Variants in CNGA1 observed in about 807,000 individuals in gnomAD.
CNGA1 encodes the protein cyclic nucleotide gated channel subunit alpha 1, also known as cyclic nucleotide-gated channel alpha-1.
Under a neutral mutation model 69.7 loss-of-function variants are expected in CNGA1, and 53 were observed. The ratio of observed to expected loss-of-function variants is 0.76; its 90% CI spans 0.61 to 0.96. The LOEUF (loss-of-function observed/expected upper bound fraction) is 0.96, where lower values mean the gene tolerates loss of function less well. CNGA1 is among the 40% of genes least tolerant of loss of function. The pLI, the probability that CNGA1 is intolerant of heterozygous loss-of-function variation, is 0.00. For missense variants in CNGA1, 739 were observed against 811.2 expected (o/e 0.91, Z 1.08); for synonymous variants, 249 against 283.5 (o/e 0.88, Z 1.22).
At chr4:47,971,489 T>C (rs1044179441) in intron 3 of CNGA1, among the ~76,000 whole-genome samples, 2 of 152,196 alleles carry the variant, frequency 1.3e-5, no homozygotes, top group African/African-American at 4.8e-5. Flanking sequence ...ATGAATTATA[T>C]CATTCATATT....
At position 47,936,310 on chromosome 4, in the gene CNGA1, T is replaced by A. The variant is rs1395398231; in HGVS notation, c.*111A>T. The A allele has an allele frequency of 8.4e-7, 1 of 1,191,934 alleles. No homozygotes were observed. Among genetic ancestry groups the A allele is most frequent in the Non-Finnish European group, 1.2e-6 (1 of 816,332 alleles). 73.8% of individuals were successfully genotyped at this position (1,191,934 alleles called of 1,614,324 possible). On this transcript the variant is annotated 3_prime_UTR_variant, in exon 11 of 11. Coordinates refer to ENST00000514170, the MANE Select transcript of CNGA1 (RefSeq NM_001379270.1). ...CTTGCACCAAAGCACATTTTCCTCA[T>A]GGAAAAATTTCCCAACTGAGTCTTC...
intron 3 of CNGA1, among the ~76,000 whole-genome samples, chr4:47,973,846 C>T (rs1264845769): frequency 1.3e-5 from 2 of 152,032 alleles, no homozygotes; most frequent in African/African-American, 4.8e-5. Context: ...TATTTTTTCT[C>T]ATATTCTTCT....
At chr4:48,002,683 C>CAAAAAAAAAAA (rs34405949) in intron 2 of CNGA1, among the ~76,000 whole-genome samples, 1 of 117,776 alleles carries the variant, frequency 8.5e-6, no homozygotes, top group African/African-American at 3.3e-5. Flanking sequence ...GTCAGACATG[C>CAAAAAAAAAAA]AAAAAAAAAA....
chr4:48,004,699 T>A (rs1359757110), intron 2 of CNGA1, among the ~76,000 whole-genome samples: 1 of 152,174 alleles, frequency 6.6e-6, no homozygotes, highest in Non-Finnish European at 1.5e-5. Context: ...GGAAAATGCA[T>A]ATAGGCCACA....
chr4:47,974,900 GT>G (rs1399363035), intron 3 of CNGA1, among the ~76,000 whole-genome samples: 1 of 151,960 alleles, frequency 6.6e-6, no homozygotes, highest in East Asian at 1.9e-4. Flanking sequence ...ATCTTTCTGA[GT>G]TACAGGGTCC....
intron 8 of CNGA1, among the ~76,000 whole-genome samples, chr4:47,942,563 G>C (rs916355544): frequency 6.6e-6 from 1 of 152,148 alleles, no homozygotes; most frequent in Non-Finnish European, 1.5e-5. Context: ...AGGGAATAGT[G>C]GCATAGATCT....
At chr4:47,967,977 CA>C (rs572307901) in intron 3 of CNGA1, among the ~76,000 whole-genome samples, 69 of 144,864 alleles carry the variant, frequency 4.8e-4, no homozygotes, top group Middle Eastern at 7.1e-3. Context: ...GACTTCGTCT[CA>C]AAAAAAAAAA....
chr4:48,012,558 C>CTTTTTTTT (rs528643370), intron 1 of CNGA1, among the ~76,000 whole-genome samples: 13 of 64,994 alleles, frequency 2.0e-4, no homozygotes, highest in African/African-American at 7.3e-4. Context: ...ACCACACCAT[C>CTTTTTTTT]TTTTTTTTTT....
intron 4 of CNGA1, among the ~76,000 whole-genome samples, chr4:47,951,906 T>A (rs1194552020): frequency 6.6e-6 from 1 of 152,224 alleles, no homozygotes; most frequent in East Asian, 1.9e-4. Context: ...TACTTTTAAA[T>A]CACATTGCTA....
intron 3 of CNGA1, among the ~76,000 whole-genome samples, chr4:47,966,086 A>G (rs1740709947): frequency 6.6e-6 from 1 of 152,248 alleles, no homozygotes; most frequent in Non-Finnish European, 1.5e-5. Context: ...AAGCGAGGAT[A>G]TAACAAAGTA....
At chr4:48,004,591 G>A (rs1714830659) in intron 2 of CNGA1, among the ~76,000 whole-genome samples, 1 of 152,094 alleles carries the variant, frequency 6.6e-6, no homozygotes, top group Non-Finnish European at 1.5e-5. Flanking sequence ...AGTTATTTAG[G>A]AAGGCTCACT....
chr4:47,938,233 G>A (rs1267273038), intron 10 of CNGA1, among the ~76,000 whole-genome samples: 1 of 151,738 alleles, frequency 6.6e-6, no homozygotes, highest in African/African-American at 2.4e-5. Context: ...AAAAGTGAGA[G>A]TGTACAAATC....
At chr4:48,016,448 G>C (rs1489730457) in intron 1 of CNGA1, 35 bp downstream of exon 1, 1 of 256,592 alleles carries the variant, frequency 3.9e-6, no homozygotes, top group Non-Finnish European at 7.4e-6. Context: ...GGGGGCCTCA[G>C]TGCAGCCTCC....
chr4:48,007,140 C>A (rs1328647495), intron 2 of CNGA1, among the ~76,000 whole-genome samples: 3 of 151,852 alleles, frequency 2.0e-5, no homozygotes, highest in African/African-American at 7.2e-5. Context: ...AGCATGAAGC[C>A]AAATAAATTT....
Position 48,016,656 on chromosome 4 carries a change from C to G in CNGA1, c.-396G>C. 1 of 568,892 alleles carries G rather than the reference C, an allele frequency of 1.8e-6. No homozygotes were observed. The highest frequency in any genetic ancestry group is 3.0e-6 in the Non-Finnish European group (1 of 332,448). The allele number at this position is 568,892 out of a possible 1,614,324, so 35.2% of individuals were successfully genotyped here. On this transcript the variant is annotated 5_prime_UTR_variant, in exon 1 of 11. Transcript: ENST00000514170. Reference sequence around the variant, plus strand: ...GGGCCCTGAGAATTCGCAACAAGCCCCGGGCAGCAGGGCTCGGCTGGCGCT... The same window carrying G: ...GGGCCCTGAGAATTCGCAACAAGCCGCGGGCAGCAGGGCTCGGCTGGCGCT...
At chr4:47,965,552 G>C (rs1432854860) in intron 3 of CNGA1, among the ~76,000 whole-genome samples, 1 of 151,364 alleles carries the variant, frequency 6.6e-6, no homozygotes, top group African/African-American at 2.4e-5. Context: ...TCAGCCTCCC[G>C]AGTAGCTGGG....
chr4:47,969,474 T>G (rs989140917), intron 3 of CNGA1, among the ~76,000 whole-genome samples: 5 of 152,084 alleles, frequency 3.3e-5, no homozygotes, highest in African/African-American at 1.2e-4. Flanking sequence ...GTTTTTTCGT[T>G]TTTTTGTTTT....
chr4:48,001,086 T>TA (rs1714647025), intron 2 of CNGA1, among the ~76,000 whole-genome samples: 1 of 152,116 alleles, frequency 6.6e-6, no homozygotes, highest in Non-Finnish European at 1.5e-5. Flanking sequence ...AAAATGCAAC[T>TA]AAATGTCATT....
At position 47,940,700 on chromosome 4, in the gene CNGA1, CAA is replaced by C; in HGVS notation, c.652+61_652+62del. On this transcript the variant is annotated intron_variant, in intron 10 of 10. Transcript: ENST00000514170. ...GAAGAATACTTGGATTAGGAAATGT[CAA>C]ATTACAATGCTAGAGATAAAAGCAT... 2.6e-6 allele frequency: 3 copies of C among 1,139,590 alleles called. No individual in the cohort carries two copies. In the South Asian group the frequency reaches 3.9e-5, roughly 15 times the overall value. The allele number at this position is 1,139,590 out of a possible 1,614,324, so 70.6% of individuals were successfully genotyped here.
Sources: allele counts gnomAD v4.1 joint callset (sites outside exome capture counted in the v4.1 genomes callset), GRCh38; gene constraint gnomAD v4.1.1; transcripts MANE v1.5; gene names NCBI Gene and HGNC (gene_info 2026-07-23, HGNC 2026-07-21).